The following HTR7 variants were observed in gnomAD, a reference collection of about 807,000 sequenced individuals.
The protein encoded by HTR7 is 5-hydroxytryptamine receptor 7, also known as 5-HT-7.
A neutral mutation model predicts 34.0 loss-of-function variants in HTR7; 16 were observed. The ratio of observed to expected loss-of-function variants is 0.47; its 90% CI spans 0.32 to 0.71. The LOEUF is 0.71. Among genes scored for constraint, HTR7 ranks in the 30% least tolerant of loss-of-function variants. The pLI, the probability that HTR7 is intolerant of heterozygous loss-of-function variation, is 0.04. For synonymous variants in HTR7, 265 were observed against 260.2 expected (o/e 1.02, Z -0.18); for missense variants, 504 against 625.5 (o/e 0.81, Z 2.07).
At position 90,743,799 on chromosome 10, in the gene HTR7, C is replaced by A. The variant is rs1046823168; in HGVS notation, c.1296-109G>T. 4.1e-5 allele frequency: 34 copies of A among 836,322 alleles called. No homozygotes were observed. In the African/African-American group the frequency reaches 4.8e-4, roughly 12 times the overall value. 51.8% of individuals were successfully genotyped at this position (836,322 alleles called of 1,614,324 possible). A position where few individuals can be genotyped will look rare whatever the true frequency, so the allele number is the denominator to read the frequency against. ...TCATATTTGGTTTTATATTACCAAT[C>A]TGTGAATACTTGTGAAAAGGATTAA... On this transcript the variant is annotated intron_variant, in intron 2 of 3. Coordinates refer to ENST00000336152, the MANE Select transcript of HTR7 (RefSeq NM_019859.4).
At chr10:90,809,537 T>C (rs1288042779) in intron 1 of HTR7, among the ~76,000 whole-genome samples, 1 of 152,192 alleles carries the variant, frequency 6.6e-6, no homozygotes, top group African/African-American at 2.4e-5. Flanking sequence ...CGGGATTAAT[T>C]AACCTCGCCT....
chr10:90,849,847 G>A (rs112942332), intron 1 of HTR7, among the ~76,000 whole-genome samples: 184 of 152,228 alleles, frequency 1.2e-3, no homozygotes, highest in African/African-American at 4.0e-3. Flanking sequence ...ACGCATGCAC[G>A]CTATGATGCC....
chr10:90,834,147 C>T (rs908429369), intron 1 of HTR7, among the ~76,000 whole-genome samples: 1 of 152,146 alleles, frequency 6.6e-6, no homozygotes, highest in Non-Finnish European at 1.5e-5. Context: ...AATAAAGGAG[C>T]TACTGGTGCA....
At chr10:90,769,465 T>C (rs1210960292) in intron 1 of HTR7, among the ~76,000 whole-genome samples, 1 of 152,266 alleles carries the variant, frequency 6.6e-6, no homozygotes, top group Non-Finnish European at 1.5e-5. Context: ...TATATGTGCA[T>C]ATGTATGCAT....
At chr10:90,807,884 G>A (rs995338965) in intron 1 of HTR7, among the ~76,000 whole-genome samples, 10 of 152,122 alleles carry the variant, frequency 6.6e-5, no homozygotes, top group Non-Finnish European at 1.2e-4. Context: ...ATTTTAAATC[G>A]AGTAAGCGGC....
chr10:90,811,012 C>G (rs946468305), intron 1 of HTR7, among the ~76,000 whole-genome samples: 18 of 152,166 alleles, frequency 1.2e-4, no homozygotes, highest in African/African-American at 4.3e-4. Flanking sequence ...TATAAACTCA[C>G]AAAAAGAAAC....
intron 1 of HTR7, among the ~76,000 whole-genome samples, chr10:90,775,121 T>C (rs763080069): frequency 3.3e-5 from 5 of 152,246 alleles, no homozygotes; most frequent in Non-Finnish European, 5.9e-5. Flanking sequence ...TTTTGATGTA[T>C]ATCCTTCTAA....
At chr10:90,762,147 A>G (rs1844948673) in intron 1 of HTR7, among the ~76,000 whole-genome samples, 2 of 152,254 alleles carry the variant, frequency 1.3e-5, no homozygotes, top group Admixed American at 1.3e-4. Flanking sequence ...ACATATACCC[A>G]GAAGTAGAAG....
chr10:90,832,529 C>A (rs1414352766), intron 1 of HTR7, among the ~76,000 whole-genome samples: 1 of 152,212 alleles, frequency 6.6e-6, no homozygotes, highest in Non-Finnish European at 1.5e-5. Context: ...AAGCTCCATG[C>A]ACAGCCCCGG....
chr10:90,792,314 T>G (rs1013612054), intron 1 of HTR7, among the ~76,000 whole-genome samples: 1 of 152,120 alleles, frequency 6.6e-6, no homozygotes, highest in South Asian at 2.1e-4. Flanking sequence ...CAGCCTGTAA[T>G]AGGACTCTTT....
At chr10:90,817,000 G>C (rs1197369873) in intron 1 of HTR7, among the ~76,000 whole-genome samples, 1 of 152,124 alleles carries the variant, frequency 6.6e-6, no homozygotes, top group Non-Finnish European at 1.5e-5. Flanking sequence ...AAGTTTTTTG[G>C]CTCTATGTCT....
chr10:90,839,297 T>C (rs1453299289), intron 1 of HTR7, among the ~76,000 whole-genome samples: 1 of 152,204 alleles, frequency 6.6e-6, no homozygotes, highest in African/African-American at 2.4e-5. Context: ...AGAATATACA[T>C]TTCCCGGAAT....
chr10:90,795,229 C>G (rs942027444), intron 1 of HTR7, among the ~76,000 whole-genome samples: 3 of 152,132 alleles, frequency 2.0e-5, no homozygotes, highest in African/African-American at 4.8e-5. Context: ...TGAGAAACCC[C>G]CATACTTTTT....
At chr10:90,810,998 A>AT (rs774066824) in intron 1 of HTR7, among the ~76,000 whole-genome samples, 4 of 152,192 alleles carry the variant, frequency 2.6e-5, no homozygotes, top group Non-Finnish European at 5.9e-5. Context: ...TAACAAAACC[A>AT]TTATATAAAC....
intron 1 of HTR7, among the ~76,000 whole-genome samples, chr10:90,753,590 T>C (rs976194495): frequency 6.6e-6 from 1 of 152,110 alleles, no homozygotes; most frequent in African/African-American, 2.4e-5. Flanking sequence ...GGAAGACAGT[T>C]TGGCAATTAT....
chr10:90,769,049 A>T (rs1279264788), intron 1 of HTR7, among the ~76,000 whole-genome samples: 1 of 152,244 alleles, frequency 6.6e-6, no homozygotes, highest in Non-Finnish European at 1.5e-5. Flanking sequence ...TTCCAAAAAA[A>T]ATCCTGCAAT....
At chr10:90,808,179 C>A (rs150903141) in intron 1 of HTR7, among the ~76,000 whole-genome samples, 2,806 of 152,254 alleles carry the variant, frequency 0.018, 78 homozygotes, top group African/African-American at 0.064. Context: ...TCACCCTTAG[C>A]GGCAAGTCCC....
chr10:90,775,357 G>A (rs766937120), intron 1 of HTR7, among the ~76,000 whole-genome samples: 9 of 152,160 alleles, frequency 5.9e-5, no homozygotes, highest in South Asian at 2.1e-4. Context: ...GTGTGATGGC[G>A]AGTTGAGAGG....
intron 1 of HTR7, among the ~76,000 whole-genome samples, chr10:90,804,810 T>C (rs191537143): frequency 1.1e-3 from 169 of 152,282 alleles, no homozygotes; most frequent in Non-Finnish European, 1.9e-3. Flanking sequence ...GGATTTTTAT[T>C]TATTTATTTT....
Sources: gnomAD v4.1 joint callset for allele counts (sites outside exome capture counted in the v4.1 genomes callset) on GRCh38, gnomAD v4.1.1 for gene constraint, MANE v1.5 for transcripts, NCBI Gene and HGNC (gene_info 2026-07-23, HGNC 2026-07-21) for gene names.